The following DPYSL4 variants were observed in gnomAD, a reference collection of about 807,000 sequenced individuals.
The protein encoded by DPYSL4 is dihydropyrimidinase-related protein 4.
In DPYSL4, 43 loss-of-function variants were observed where a neutral mutation model predicts 63.4. The observed-to-expected ratio is 0.68, with a 90% CI of 0.53 to 0.88. The LOEUF (loss-of-function observed/expected upper bound fraction) is 0.88. Ranked by LOEUF, DPYSL4 falls within the 40% of genes least tolerant of loss-of-function variation. DPYSL4 has a pLI of 0.00. For synonymous variants in DPYSL4, 353 were observed against 331.7 expected (o/e 1.06, Z -0.70); for missense variants, 733 against 819.5 (o/e 0.89, Z 1.29).
chr10:132,199,572 C>T (rs2061985659), intron 8 of DPYSL4, among the ~76,000 whole-genome samples: 1 of 151,912 alleles, frequency 6.6e-6, no homozygotes, highest in African/African-American at 2.4e-5. Context: ...GGGGCATCCC[C>T]TAGGCGGCCT....
chr10:132,195,923 C>T (rs1387361142), intron 4 of DPYSL4, among the ~76,000 whole-genome samples: 1 of 152,240 alleles, frequency 6.6e-6, no homozygotes, highest in Admixed American at 6.5e-5. Flanking sequence ...CCTCTGCTCC[C>T]CAAGAGCCAT....
Position 132,195,012 on chromosome 10 carries a change from G to A in DPYSL4, c.478+3G>A, listed in dbSNP as rs1266881224. The A allele has an allele frequency of 6.2e-7, 1 of 1,601,138 alleles. No individual in the cohort carries two copies. Among genetic ancestry groups the A allele is most frequent in the South Asian group, 1.1e-5 (1 of 91,012 alleles). ...GGAGGCCCTGGTCAAGGAGAAGGGT[G>A]AGGGTGGCTGGAGGGGCTGGAGGGC... On this transcript the variant is annotated splice_donor_region_variant and intron_variant, in intron 4 of 13. Coordinates refer to ENST00000338492, the MANE Select transcript of DPYSL4 (RefSeq NM_006426.3).
intron 1 of DPYSL4, 79 bp from the exon 2 acceptor site, chr10:132,190,668 T>G: frequency 2.2e-6 from 3 of 1,389,506 alleles, no homozygotes; most frequent in Non-Finnish European, 2.0e-6. Context: ...CAGTCATAAT[T>G]TCAGAGGAAG....
intron 12 of DPYSL4, among the ~76,000 whole-genome samples, 197 bp downstream of exon 12, chr10:132,203,022 A>G (rs1015701880): frequency 6.6e-6 from 1 of 152,214 alleles, no homozygotes; most frequent in African/African-American, 2.4e-5. Flanking sequence ...GGAGGCCCCC[A>G]TGGCACTGGG....
intron 1 of DPYSL4, among the ~76,000 whole-genome samples, chr10:132,190,190 G>C (rs184238433): frequency 7.6e-4 from 116 of 152,362 alleles, no homozygotes; most frequent in Middle Eastern, 3.4e-3. Context: ...TTTTGCTGCC[G>C]TTGGTCTCCC....
At position 132,205,242 on chromosome 10, in the gene DPYSL4, C is replaced by T. The variant is rs2062081163; in HGVS notation, c.*312C>T. 2 of 246,838 alleles carry T rather than the reference C, an allele frequency of 8.1e-6. No individual in the cohort carries two copies. Among genetic ancestry groups the T allele is most frequent in the Admixed American group, 5.5e-5 (1 of 18,046 alleles). The allele number at this position is 246,838 out of a possible 1,614,324, so 15.3% of individuals were successfully genotyped here. A position where few individuals can be genotyped will look rare whatever the true frequency, so the allele number is the denominator to read the frequency against. The stretch of plus-strand genomic sequence containing the variant: ...CTGGGCCCAGCCTGGGGACAGGGAA[C>T]CTGCCGGGCTCACAGTGTGGGAGCA... On this transcript the variant is annotated 3_prime_UTR_variant, in exon 14 of 14. Transcript: ENST00000338492.
chr10:132,192,539 T>C (rs2061891804), intron 2 of DPYSL4, 119 bp from the exon 3 acceptor site: 2 of 1,453,948 alleles, frequency 1.4e-6, no homozygotes, highest in South Asian at 3.0e-5. Context: ...CCGGCCGTGC[T>C]GGCCTTTTCC....
intron 8 of DPYSL4, among the ~76,000 whole-genome samples, chr10:132,199,412 G>A (rs2061983954): frequency 6.6e-6 from 1 of 152,058 alleles, no homozygotes; most frequent in Non-Finnish European, 1.5e-5. Context: ...CTGGGCGGGG[G>A]GGTGCCACCC....
At position 132,197,114 on chromosome 10, in the gene DPYSL4, A is replaced by G; in HGVS notation, c.621+13A>G. 1.3e-6 allele frequency: 2 copies of G among 1,489,462 alleles called. No homozygotes were observed. Among genetic ancestry groups the G allele is most frequent in the Non-Finnish European group, 1.8e-6 (2 of 1,116,290 alleles). 92.3% of individuals were successfully genotyped at this position (1,489,462 alleles called of 1,614,324 possible). ...CATCGTGGAGGAGGTGCCGTGGGGC[A>G]GGGCTGCCGTGGGGCAGGCACAGGG... On this transcript the variant is annotated intron_variant, in intron 6 of 13. Transcript: ENST00000338492.
At chr10:132,196,713 A>T (rs908031422) in intron 4 of DPYSL4, 148 bp from the exon 5 acceptor site, 2 of 821,732 alleles carry the variant, frequency 2.4e-6, no homozygotes, top group African/African-American at 3.4e-5. Context: ...GAAGCGGGGG[A>T]CTGCTCCCAG....
chr10:132,192,259 T>C, intron 2 of DPYSL4: 1 of 963,398 alleles, frequency 1.0e-6, no homozygotes, highest in Non-Finnish European at 1.2e-6. Context: ...GACACCAGCT[T>C]CCACGTTTCT....
intron 6 of DPYSL4, among the ~76,000 whole-genome samples, chr10:132,197,543 C>T (rs988279159): frequency 6.6e-6 from 1 of 152,228 alleles, no homozygotes; most frequent in Non-Finnish European, 1.5e-5. Context: ...GCCGACCCCC[C>T]AGGCCCTTGG....
At position 132,200,957 on chromosome 10, in the gene DPYSL4, A is replaced by G. The variant is rs751674401; in HGVS notation, c.1084A>G (p.Met362Val). ...GGGCACCAACGGCATTGAGGAGCGC[A>G]TGTCGATGGTCTGGGAGAAATGTGT... ...PEGTNGIEER[M>V]SMVWEKCVAS... The change falls in exon 10 of 14, where the codon ATG (methionine) becomes GTG (valine). Residue 362 changes from methionine (M) to valine (V), a missense_variant. Transcript: ENST00000338492. 6 of 1,613,232 alleles carry G rather than the reference A, an allele frequency of 3.7e-6. No individual in the cohort carries two copies. In the African/African-American group the frequency reaches 4.0e-5, roughly 11 times the overall value.
chr10:132,197,853 T>C (rs1565042962), intron 6 of DPYSL4, among the ~76,000 whole-genome samples: 2 of 152,186 alleles, frequency 1.3e-5, no homozygotes, highest in Non-Finnish European at 1.5e-5. Context: ...CACAAACACT[T>C]CTGTGGCCCA....
chr10:132,193,109 C>T (rs1436220651), intron 3 of DPYSL4, among the ~76,000 whole-genome samples: 1 of 152,054 alleles, frequency 6.6e-6, no homozygotes, highest in Non-Finnish European at 1.5e-5. Flanking sequence ...CTTCCCTGGG[C>T]ACTAGTAGCC....
At chr10:132,191,804 G>A (rs1217538807) in intron 2 of DPYSL4, among the ~76,000 whole-genome samples, 3 of 84,120 alleles carry the variant, frequency 3.6e-5, no homozygotes, top group African/African-American at 1.3e-4. Context: ...TTCCCAGCTC[G>A]TGTGTACACA....
Position 132,188,587 on chromosome 10 carries a change from G to T in DPYSL4, c.39+1485G>T, listed in dbSNP as rs1025346985. On this transcript the variant is annotated intron_variant, in intron 1 of 13. Coordinates refer to ENST00000338492, the MANE Select transcript of DPYSL4 (RefSeq NM_006426.3). ...TGGGCAGGAGGAGGAGAGGTGCAGC[G>T]GCTGGGAACAGACAGCTCTGTAGAC... Among the ~76,000 whole-genome samples the T allele has an allele frequency of 5.3e-5, 8 of 152,306 alleles. No individual in the cohort carries two copies. In the East Asian group the frequency reaches 5.8e-4, roughly 11 times the overall value.
intron 4 of DPYSL4, among the ~76,000 whole-genome samples, chr10:132,195,518 G>T (rs1180914593): frequency 6.6e-6 from 1 of 152,194 alleles, no homozygotes; most frequent in East Asian, 1.9e-4. Flanking sequence ...TCTGAGTCCG[G>T]CCCACAGCTT....
At chr10:132,188,505 G>T (rs2061833770) in intron 1 of DPYSL4, among the ~76,000 whole-genome samples, 1 of 152,220 alleles carries the variant, frequency 6.6e-6, no homozygotes. Context: ...GGCCACAGAG[G>T]CTCTGCAAAT....
Sources: gnomAD v4.1 joint callset for allele counts (sites outside exome capture counted in the v4.1 genomes callset) on GRCh38, gnomAD v4.1.1 for gene constraint, MANE v1.5 for transcripts, NCBI Gene and HGNC (gene_info 2026-07-23, HGNC 2026-07-21) for gene names.